The following IL1RAP variants were observed in gnomAD, a reference collection of about 807,000 sequenced individuals.
IL1RAP encodes interleukin-1 receptor accessory protein.
In IL1RAP, 35 loss-of-function variants were observed where a neutral mutation model predicts 60.7. The observed-to-expected ratio is 0.58, with a 90% CI of 0.44 to 0.76. IL1RAP has a LOEUF of 0.76. Among genes scored for constraint, IL1RAP ranks in the 30% least tolerant of loss-of-function variants. The pLI, the probability that IL1RAP is intolerant of heterozygous loss-of-function variation, is 0.00. For synonymous variants in IL1RAP, 268 were observed against 250.9 expected (o/e 1.07, Z -0.64); for missense variants, 572 against 693.9 (o/e 0.82, Z 1.97).
intron 1 of IL1RAP, among the ~76,000 whole-genome samples, chr3:190,522,075 T>C (rs1318213901): frequency 6.6e-6 from 1 of 152,156 alleles, no homozygotes; most frequent in Non-Finnish European, 1.5e-5. Flanking sequence ...TAATACACAC[T>C]AAGTAGCACT....
At chr3:190,536,696 G>C (rs1577531474) in intron 1 of IL1RAP, among the ~76,000 whole-genome samples, 1 of 152,086 alleles carries the variant, frequency 6.6e-6, no homozygotes. Context: ...ATGTATAATA[G>C]ATCATAATGC....
At chr3:190,588,107 A>G (rs1343061142) in intron 3 of IL1RAP, among the ~76,000 whole-genome samples, 1 of 152,104 alleles carries the variant, frequency 6.6e-6, no homozygotes, top group Non-Finnish European at 1.5e-5. Flanking sequence ...GGTCTCTTAC[A>G]TCTTTTTTTC....
In IL1RAP at chr3:190,648,677, T is replaced by A; in HGVS notation, c.1685T>A (p.Leu562His). The part of the protein sequence containing the change: ...PRRSSSDEQG[L>H]SYSSLKNV ...CGGTCTAGCAGTGATGAGCAGGGCCTCTCGTATTCATCTTTGAAAAATGTA... is the reference window on the plus strand; with the variant it reads ...CGGTCTAGCAGTGATGAGCAGGGCCACTCGTATTCATCTTTGAAAAATGTA... The change falls in exon 12 of 12, where the codon CTC becomes CAC. Residue 562 changes from leucine to histidine, a missense_variant. Coordinates refer to ENST00000447382, the MANE Select transcript of IL1RAP (RefSeq NM_002182.4). The A allele has an allele frequency of 6.2e-7, 1 of 1,612,186 alleles. No homozygotes were observed. Among genetic ancestry groups the A allele is most frequent in the South Asian group, 1.1e-5 (1 of 90,842 alleles).
downstream of IL1RAP, among the ~76,000 whole-genome samples, chr3:190,652,975 A>G (rs11915384): frequency 0.17 from 26,283 of 152,096 alleles, 4,257 homozygotes; most frequent in African/African-American, 0.42. Context: ...GCAAGTAAAT[A>G]CACAGTATGG....
intron 1 of IL1RAP, among the ~76,000 whole-genome samples, chr3:190,528,550 T>G (rs1239753574): frequency 6.6e-6 from 1 of 152,152 alleles, no homozygotes; most frequent in Non-Finnish European, 1.5e-5. Context: ...CATTTACTCT[T>G]TTGGACAATA....
chr3:190,541,473 T>A (rs533703913), intron 1 of IL1RAP, among the ~76,000 whole-genome samples: 1 of 152,148 alleles, frequency 6.6e-6, no homozygotes, highest in East Asian at 1.9e-4. Flanking sequence ...TATTTCATTA[T>A]GTTTAACTAA....
chr3:190,649,688 G>C lies in IL1RAP; in HGVS notation c.*983G>C. On this transcript the variant is annotated 3_prime_UTR_variant, in exon 12 of 12. Transcript: ENST00000447382. The stretch of plus-strand genomic sequence containing the variant: ...TCGTTTTTGTTGCTCCATTGTAAAG[G>C]GCGGAGGTCAGTCTTAGTGGCCTTG... 1 of 985,800 alleles carries C rather than the reference G, an allele frequency of 1.0e-6. No homozygotes were observed. Among genetic ancestry groups the C allele is most frequent in the Non-Finnish European group, 1.2e-6 (1 of 829,898 alleles). The allele number at this position is 985,800 out of a possible 1,614,324, so 61.1% of individuals were successfully genotyped here. A position where few individuals can be genotyped will look rare whatever the true frequency, so the allele number is the denominator to read the frequency against.
At chr3:190,574,120 C>T (rs996719093) in intron 3 of IL1RAP, among the ~76,000 whole-genome samples, 5 of 151,744 alleles carry the variant, frequency 3.3e-5, no homozygotes, top group African/African-American at 9.7e-5. Context: ...TTAAAACATG[C>T]CAACCAAATC....
At chr3:190,544,763 T>C (rs1266750075) in intron 1 of IL1RAP, among the ~76,000 whole-genome samples, 1 of 152,220 alleles carries the variant, frequency 6.6e-6, no homozygotes, top group Non-Finnish European at 1.5e-5. Flanking sequence ...TACTAAGTAA[T>C]TGAGTTTCAC....
intron 9 of IL1RAP, among the ~76,000 whole-genome samples, chr3:190,643,398 A>G (rs750648518): frequency 6.6e-6 from 1 of 152,182 alleles, no homozygotes; most frequent in Non-Finnish European, 1.5e-5. Flanking sequence ...TGAGAAAGGA[A>G]GGAAGGTGGT....
At chr3:190,560,659 C>A (rs1362362910) in intron 2 of IL1RAP, among the ~76,000 whole-genome samples, 3 of 152,148 alleles carry the variant, frequency 2.0e-5, no homozygotes, top group South Asian at 2.1e-4. Flanking sequence ...GCAAATCCCA[C>A]CCTTGGCACA....
At position 190,650,854 on chromosome 3, in the gene IL1RAP, A is replaced by T; in HGVS notation, c.*2149A>T. 5 of 985,360 alleles carry T rather than the reference A, an allele frequency of 5.1e-6. No homozygotes were observed. Among genetic ancestry groups the T allele is most frequent in the Non-Finnish European group, 6.0e-6 (5 of 829,872 alleles). 61.0% of individuals were successfully genotyped at this position (985,360 alleles called of 1,614,324 possible). A position where few individuals can be genotyped will look rare whatever the true frequency, so the allele number is the denominator to read the frequency against. On this transcript the variant is annotated 3_prime_UTR_variant, in exon 12 of 12. Coordinates refer to ENST00000447382, the MANE Select transcript of IL1RAP (RefSeq NM_002182.4). The stretch of plus-strand genomic sequence containing the variant: ...CATAAACTTTAGGCAAACAGGGAAT[A>T]GTCTAGTCACCAAAGGACCATTCTC...
intron 1 of IL1RAP, among the ~76,000 whole-genome samples, chr3:190,532,367 A>C (rs1204419281): frequency 6.9e-6 from 1 of 145,946 alleles, no homozygotes; most frequent in African/African-American, 2.6e-5. Context: ...GGTTCACGCC[A>C]TTCTCCTGCC....
chr3:190,634,707 G>GTTTTTTTTTTGTTTTTTTTTT (rs1733056790), intron 9 of IL1RAP, among the ~76,000 whole-genome samples: 3 of 134,714 alleles, frequency 2.2e-5, no homozygotes, highest in African/African-American at 8.9e-5. Context: ...GGCCTGTTGT[G>GTTTTTTTTTTGTTTTTTTTTT]TTTTTTTTTT....
exon 12 of IL1RAP, chr3:190,659,704 G>A (rs370210272): frequency 6.6e-6 from 1 of 152,142 alleles, no homozygotes; most frequent in Non-Finnish European, 1.5e-5. Flanking sequence ...GTCTCTCTGA[G>A]CCTCAATTTC....
chr3:190,530,696 T>C (rs950121188), intron 1 of IL1RAP, among the ~76,000 whole-genome samples: 3 of 152,228 alleles, frequency 2.0e-5, no homozygotes, highest in Admixed American at 6.5e-5. Context: ...TATGCAATCA[T>C]GTCAGTATCA....
intron 1 of IL1RAP, among the ~76,000 whole-genome samples, chr3:190,522,689 G>A: frequency 6.6e-6 from 1 of 151,958 alleles, no homozygotes; most frequent in Non-Finnish European, 1.5e-5. Flanking sequence ...CAAACAATTG[G>A]GATGGCAAAG....
chr3:190,655,043 C>T (rs74655587), downstream of IL1RAP, among the ~76,000 whole-genome samples: 1,388 of 152,152 alleles, frequency 9.1e-3, 26 homozygotes, highest in African/African-American at 0.032. Flanking sequence ...CACACACACA[C>T]GCACCACACA....
intron 3 of IL1RAP, among the ~76,000 whole-genome samples, chr3:190,592,543 A>C (rs895737191): frequency 6.6e-6 from 1 of 152,180 alleles, no homozygotes; most frequent in African/African-American, 2.4e-5. Context: ...GGAAGCTTTA[A>C]AATTATCTAG....
Sources: gnomAD v4.1 joint callset for allele counts (sites outside exome capture counted in the v4.1 genomes callset) on GRCh38, gnomAD v4.1.1 for gene constraint, MANE v1.5 for transcripts, NCBI Gene and HGNC (gene_info 2026-07-23, HGNC 2026-07-21) for gene names.